Variants in KIF20A observed in about 807,000 individuals in gnomAD.
The protein encoded by KIF20A is kinesin family member 20A, also known as kinesin-like protein KIF20A.
Under a neutral mutation model 113.0 loss-of-function variants are expected in KIF20A, and 66 were observed. The observed-to-expected ratio is 0.58, with a 90% CI of 0.48 to 0.72. The LOEUF is 0.72. Among genes scored for constraint, KIF20A ranks in the 30% least tolerant of loss-of-function variants. The probability of loss-of-function intolerance (pLI) is 0.00; values close to 1 mark genes in which losing one functional copy is unlikely to be tolerated. For synonymous variants in KIF20A, 376 were observed against 402.3 expected (o/e 0.93, Z 0.78); for missense variants, 927 against 1,077.6 (o/e 0.86, Z 1.96).
In KIF20A at chr5:138,184,340, A is replaced by T. The variant is rs1213262305; in HGVS notation, c.1454A>T (p.Asn485Ile). 6.2e-7 allele frequency: 1 copy of T among 1,614,030 alleles called. No homozygotes were observed. Among genetic ancestry groups the T allele is most frequent in the Non-Finnish European group, 8.5e-7 (1 of 1,180,032 alleles). Reference sequence around the variant, plus strand: ...CGTTCCTGCATGATTGTCAATGTGAATCCCTGTGCATCTACCTATGATGAA... The same window carrying T: ...CGTTCCTGCATGATTGTCAATGTGATTCCCTGTGCATCTACCTATGATGAA... ...RGRSCMIVNV[N>I]PCASTYDETL... Residue 485 changes from asparagine to isoleucine, a missense_variant, in exon 12 of 19, where the codon AAT becomes ATT. Physicochemically the swap from Asn to Ile is moderately radical, Grantham distance 149 (BLOSUM62 -3). Transcript: ENST00000394894.
At chr5:138,186,175 T>C (rs1158758888) in intron 17 of KIF20A, 119 bp from the exon 18 acceptor site, 52 of 1,479,232 alleles carry the variant, frequency 3.5e-5, no homozygotes, top group Non-Finnish European at 4.2e-5. Flanking sequence ...AGAGTGGCTA[T>C]TTCACTCAGC....
In KIF20A at chr5:138,183,058, G is replaced by A; in HGVS notation, c.832+68G>A. The A allele has an allele frequency of 5.0e-6, 8 of 1,609,634 alleles. No homozygotes were observed. The East Asian group carries it at 6.7e-5, about 13-fold the overall frequency. ...CACTCCCTGTTCCTAATAGCTGCCA[G>A]GAGTACAGACCAGAGGTTGCAATCT... On this transcript the variant is annotated intron_variant, in intron 7 of 18. Coordinates refer to ENST00000394894, the MANE Select transcript of KIF20A (RefSeq NM_005733.3). The surrounding 1 kb of genome is among the most constrained non-coding windows in gnomAD (Gnocchi z 5.2).
At chr5:138,182,214 G>C (rs1754671019) in intron 4 of KIF20A, 109 bp from the exon 5 acceptor site, 1 of 1,216,796 alleles carries the variant, frequency 8.2e-7, no homozygotes, top group Admixed American at 2.2e-5. Context: ...GAAGCTGCTT[G>C]AGTGGTCTCC....
At chr5:138,184,429 T>A (rs1334581344) in intron 12 of KIF20A, 25 bp downstream of exon 12, 2 of 1,613,708 alleles carry the variant, frequency 1.2e-6, no homozygotes, top group Non-Finnish European at 1.7e-6. Context: ...GTGTGATGGG[T>A]GTGCGCACTT....
chr5:138,185,705 C>T lies in KIF20A; in HGVS notation c.2120C>T (p.Thr707Ile). ...QQCKAELNST[T>I]EELHKYQKML... Reference sequence around the variant, plus strand: ...TGCAAAGCAGAGCTAAACTCTACCACTGAAGGTGAGGAAAGAGACAGGCAG... The same window carrying T: ...TGCAAAGCAGAGCTAAACTCTACCATTGAAGGTGAGGAAAGAGACAGGCAG... Residue 707 changes from threonine to isoleucine, a missense_variant, in exon 16 of 19, where the codon ACT (threonine) becomes ATT (isoleucine). Physicochemically the swap from Thr to Ile is moderately conservative, Grantham distance 89. Coordinates refer to ENST00000394894, the MANE Select transcript of KIF20A (RefSeq NM_005733.3). The T allele has an allele frequency of 6.2e-7, 1 of 1,614,044 alleles. No individual in the cohort carries two copies. Among genetic ancestry groups the T allele is most frequent in the South Asian group, 1.1e-5 (1 of 91,084 alleles).
Position 138,187,482 on chromosome 5 carries a change from C to CTCT in KIF20A, c.*71_*73dup. 8.1e-7 allele frequency: 1 copy of CTCT among 1,227,314 alleles called. No homozygotes were observed. The highest frequency in any genetic ancestry group is 1.1e-6 in the Non-Finnish European group (1 of 876,226). 76.0% of individuals were successfully genotyped at this position (1,227,314 alleles called of 1,614,324 possible). On this transcript the variant is annotated 3_prime_UTR_variant, in exon 19 of 19. Transcript: ENST00000394894. ...CAGCTACTCTCCTGAAGAAATAGGT[C>CTCT]TCTTTTATGCTTTACCATATATCAG...
At chr5:138,187,073 A>T in intron 18 of KIF20A, 23 bp from the exon 19 acceptor site, 1 of 1,574,314 alleles carries the variant, frequency 6.4e-7, no homozygotes, top group Non-Finnish European at 8.6e-7. Flanking sequence ...AGTGTTTTCT[A>T]TAACTTTATT....
rs1178135769 is a variant in KIF20A at position 138,187,118 on chromosome 5, A to G, written c.2378A>G (p.Gln793Arg). 6.2e-7 allele frequency: 1 copy of G among 1,610,604 alleles called. No homozygotes were observed. The highest frequency in any genetic ancestry group is 8.5e-7 in the Non-Finnish European group (1 of 1,177,206). The change falls in exon 19 of 19, where the codon CAG (glutamine) becomes CGG (arginine). Residue 793 changes from glutamine (Q) to arginine (R), a missense_variant. Physicochemically the swap from Gln to Arg is conservative, Grantham distance 43. Coordinates refer to ENST00000394894, the MANE Select transcript of KIF20A (RefSeq NM_005733.3). ...IKQDQTLAEL[Q>R]NNMVLVKLDL... ...TAGGACCAGACTCTGGCTGAACTGCAGAACAACATGGTGCTAGTGAAACTG... is the reference window on the plus strand; with the variant it reads ...TAGGACCAGACTCTGGCTGAACTGCGGAACAACATGGTGCTAGTGAAACTG...
rs775020244 is a variant in KIF20A at position 138,183,216 on chromosome 5, C to T, written c.880C>T (p.Pro294Ser). ...AQPDTAPLPV[P>S]ANIRFSIWIS... ...GCCAGACACTGCCCCACTACCTGTCCCGGCAAACATTCGCTTCTCCATCTG... is the reference window on the plus strand; with the variant it reads ...GCCAGACACTGCCCCACTACCTGTCTCGGCAAACATTCGCTTCTCCATCTG... Residue 294 changes from proline to serine, a missense_variant, in exon 8 of 19, where the codon CCG becomes TCG. Coordinates refer to ENST00000394894, the MANE Select transcript of KIF20A (RefSeq NM_005733.3). This position sits in a 1 kb window ranked among gnomAD's most constrained non-coding sequence, Gnocchi z 5.2. 1 of 1,614,174 alleles carries T rather than the reference C, an allele frequency of 6.2e-7. No individual in the cohort carries two copies. Among genetic ancestry groups the T allele is most frequent in the Non-Finnish European group, 8.5e-7 (1 of 1,180,038 alleles).
At chr5:138,186,965 TAA>T in intron 18 of KIF20A, 129 bp from the exon 19 acceptor site, 1 of 723,700 alleles carries the variant, frequency 1.4e-6, no homozygotes, top group Non-Finnish European at 2.2e-6. Flanking sequence ...GCTCCGACCT[TAA>T]AGAGTTTTAA....
intron 4 of KIF20A, 111 bp from the exon 5 acceptor site, chr5:138,182,212 T>C (rs1392029770): frequency 5.1e-5 from 61 of 1,191,844 alleles, no homozygotes; most frequent in Non-Finnish European, 6.2e-5. Flanking sequence ...AAGAAGCTGC[T>C]TGAGTGGTCT....
intron 14 of KIF20A, 36 bp from the exon 15 acceptor site, chr5:138,185,059 T>C: frequency 6.3e-7 from 1 of 1,596,666 alleles, no homozygotes; most frequent in Non-Finnish European, 8.6e-7. Context: ...CCTCAGAACC[T>C]TCACTTACCT....
At chr5:138,184,731 T>G (rs1180475850) in intron 13 of KIF20A, 55 bp downstream of exon 13, 2 of 1,610,266 alleles carry the variant, frequency 1.2e-6, no homozygotes, top group Non-Finnish European at 1.7e-6. Flanking sequence ...CATTTTTCCA[T>G]GGTGCCTTCC....
intron 1 of KIF20A, 146 bp from the exon 2 acceptor site, chr5:138,179,514 C>G: frequency 1.6e-6 from 1 of 632,698 alleles, no homozygotes. Flanking sequence ...TTCTCTCATT[C>G]CCTTCCCCTT....
At position 138,185,571 on chromosome 5, in the gene KIF20A, A is replaced by G; in HGVS notation, c.1986A>G (p.Ser662=). The change falls in exon 16 of 19, where the codon TCA becomes TCG. Residue 662 remains serine, a synonymous_variant. Transcript: ENST00000394894. ...EALLQEARQQ[S]VAHQQSGSEL... ...TCTTGCAGGAAGCCAGACAACAGTC[A>G]GTGGCCCATCAGCAATCAGGGTCTG... 1.2e-6 allele frequency: 2 copies of G among 1,614,142 alleles called. No individual in the cohort carries two copies. Among genetic ancestry groups the G allele is most frequent in the Non-Finnish European group, 8.5e-7 (1 of 1,180,030 alleles).
intron 1 of KIF20A, chr5:138,179,437 TCTGTGGA>T: frequency 2.0e-6 from 1 of 488,482 alleles, no homozygotes; most frequent in Non-Finnish European, 3.7e-6. Context: ...GAGCCAGATG[TCTGTGGA>T]CTTCTGTTCG....
chr5:138,183,541 A>C lies in KIF20A; in HGVS notation c.1099A>C (p.Ser367Arg). The C allele has an allele frequency of 6.2e-7, 1 of 1,614,140 alleles. No homozygotes were observed. The highest frequency in any genetic ancestry group is 8.5e-7 in the Non-Finnish European group (1 of 1,180,034). Residue 367 changes from serine (S) to arginine (R), a missense_variant, in exon 9 of 19, where the codon AGC becomes CGC. Coordinates refer to ENST00000394894, the MANE Select transcript of KIF20A (RefSeq NM_005733.3). This position sits in a 1 kb window ranked among gnomAD's most constrained non-coding sequence, Gnocchi z 5.2. Reference sequence around the variant, plus strand: ...CCTAAAAGTGGGTCGTAAGAACCAGAGCTTTGCCAGCACCCACCTCAACCA... The same window carrying C: ...CCTAAAAGTGGGTCGTAAGAACCAGCGCTTTGCCAGCACCCACCTCAACCA... ...KLLKVGRKNQ[S>R]FASTHLNQNS...
At chr5:138,182,079 G>A (rs1186120203) in intron 4 of KIF20A, among the ~76,000 whole-genome samples, 1 of 152,158 alleles carries the variant, frequency 6.6e-6, no homozygotes, top group Non-Finnish European at 1.5e-5. Flanking sequence ...TTGCCCCATT[G>A]TGTGTGCAGC....
At chr5:138,181,876 T>C (rs1164461594) in intron 4 of KIF20A, 148 bp downstream of exon 4, 23 of 787,238 alleles carry the variant, frequency 2.9e-5, no homozygotes, top group Non-Finnish European at 4.3e-5. Flanking sequence ...TGTTAGTCAA[T>C]GTGTCAAGTA....
Sources: allele counts gnomAD v4.1 joint callset (sites outside exome capture counted in the v4.1 genomes callset), GRCh38; gene constraint gnomAD v4.1.1; non-coding constraint Gnocchi (gnomAD v3.1); transcripts MANE v1.5; gene names NCBI Gene and HGNC (gene_info 2026-07-23, HGNC 2026-07-21).